The following POR variants were observed in gnomAD, a reference collection of about 807,000 sequenced individuals.
POR encodes the protein NADPH--cytochrome P450 reductase.
Under a neutral mutation model 84.0 loss-of-function variants are expected in POR, and 56 were observed. The ratio of observed to expected loss-of-function variants is 0.67; its 90% CI spans 0.54 to 0.83. The LOEUF (loss-of-function observed/expected upper bound fraction) is 0.83, where lower values mean the gene tolerates loss of function less well. Among genes scored for constraint, POR ranks in the 40% least tolerant of loss-of-function variants. POR has a pLI of 0.00. For synonymous variants in POR, 414 were observed against 400.5 expected (o/e 1.03, Z -0.40); for missense variants, 938 against 944.3 (o/e 0.99, Z 0.09).
chr7:75,926,459 T>G (rs1019723849), intron 1 of POR, among the ~76,000 whole-genome samples: 1 of 152,114 alleles, frequency 6.6e-6, no homozygotes, highest in Admixed American at 6.6e-5. Flanking sequence ...AAGCATTGAC[T>G]CTGGTCTGGG....
intron 1 of POR, among the ~76,000 whole-genome samples, chr7:75,934,921 C>T (rs1164965764): frequency 3.3e-5 from 5 of 152,170 alleles, no homozygotes; most frequent in Admixed American, 3.3e-4. Context: ...GGGGCAGACC[C>T]CTTACCGAGA....
At chr7:75,982,443 A>T in intron 8 of POR, 121 bp downstream of exon 8, 1 of 774,260 alleles carries the variant, frequency 1.3e-6, no homozygotes, top group Non-Finnish European at 2.1e-6. Flanking sequence ...CCGTGCCCCG[A>T]GTGGGTGTGA....
At chr7:75,972,565 G>A (rs1554556360) in intron 3 of POR, 104 bp downstream of exon 3, 4 of 1,154,616 alleles carry the variant, frequency 3.5e-6, no homozygotes, top group East Asian at 2.6e-5. Context: ...AGGATGTCCC[G>A]GTGGCCAGGA....
intron 8 of POR, among the ~76,000 whole-genome samples, chr7:75,982,893 G>A (rs1183308278): frequency 1.3e-5 from 2 of 152,162 alleles, no homozygotes; most frequent in Non-Finnish European, 2.9e-5. Context: ...GTGGGGGTGG[G>A]GGAGCTGTGC....
At chr7:75,934,393 T>C (rs1287103477) in intron 1 of POR, among the ~76,000 whole-genome samples, 1 of 152,022 alleles carries the variant, frequency 6.6e-6, no homozygotes, top group African/African-American at 2.4e-5. Flanking sequence ...AGCAAAGAAA[T>C]GACTTAAAGT....
chr7:75,981,279 A>T, intron 6 of POR, 107 bp downstream of exon 6: 3 of 1,421,558 alleles, frequency 2.1e-6, no homozygotes, highest in Non-Finnish European at 2.8e-6. Flanking sequence ...AGCGACACGC[A>T]CCTCCAACAC....
chr7:75,923,749 G>A (rs556310689), intron 1 of POR, among the ~76,000 whole-genome samples: 15 of 152,126 alleles, frequency 9.9e-5, no homozygotes, highest in Admixed American at 3.9e-4. Flanking sequence ...TTAGCTGAGC[G>A]TGGTGGCACA....
At chr7:75,962,566 G>T (rs1787985406) in intron 2 of POR, among the ~76,000 whole-genome samples, 1 of 152,154 alleles carries the variant, frequency 6.6e-6, no homozygotes, top group South Asian at 2.1e-4. Context: ...GCCTCCCAAA[G>T]TGCTAGGATT....
intron 1 of POR, among the ~76,000 whole-genome samples, chr7:75,941,854 A>G (rs112183497): frequency 1.8e-4 from 27 of 151,900 alleles, no homozygotes; most frequent in African/African-American, 6.1e-4. Flanking sequence ...TCGAGTAATA[A>G]CTAATAACAG....
intron 1 of POR, among the ~76,000 whole-genome samples, chr7:75,939,983 C>G (rs1252026110): frequency 1.3e-5 from 2 of 152,132 alleles, no homozygotes; most frequent in Non-Finnish European, 2.9e-5. Flanking sequence ...TCACTGCAGC[C>G]TCAACCTGCA....
chr7:75,957,874 T>C (rs113693015), intron 2 of POR, among the ~76,000 whole-genome samples: 5 of 152,312 alleles, frequency 3.3e-5, no homozygotes, highest in African/African-American at 1.2e-4. Flanking sequence ...CAAATATTTC[T>C]AGTACCATGG....
At chr7:75,968,778 C>T (rs1788302188) in intron 2 of POR, among the ~76,000 whole-genome samples, 1 of 152,234 alleles carries the variant, frequency 6.6e-6, no homozygotes, top group Non-Finnish European at 1.5e-5. Context: ...GGCTGGCACA[C>T]CTTGTCCACT....
intron 2 of POR, among the ~76,000 whole-genome samples, chr7:75,963,130 C>T (rs369001207): frequency 3.9e-5 from 6 of 152,322 alleles, no homozygotes; most frequent in African/African-American, 1.4e-4. Flanking sequence ...TGAGTGCCAA[C>T]AGATGGGAAG....
At chr7:75,920,999 C>G (rs1199374584) in intron 1 of POR, among the ~76,000 whole-genome samples, 1 of 152,160 alleles carries the variant, frequency 6.6e-6, no homozygotes, top group Non-Finnish European at 1.5e-5. Flanking sequence ...TTTGACTGCT[C>G]ATGAAACCAC....
At chr7:75,961,819 G>T (rs997821673) in intron 2 of POR, among the ~76,000 whole-genome samples, 14 of 152,166 alleles carry the variant, frequency 9.2e-5, no homozygotes, top group Admixed American at 3.3e-4. Context: ...TTCGAGATCA[G>T]CCTGGGTAGC....
intron 1 of POR, among the ~76,000 whole-genome samples, chr7:75,936,461 T>TG (rs1415934109): frequency 6.6e-6 from 1 of 152,130 alleles, no homozygotes; most frequent in African/African-American, 2.4e-5. Flanking sequence ...TTCTGAGTGT[T>TG]GCAGTTTGTC....
At chr7:75,965,086 T>C (rs1788119721) in intron 2 of POR, among the ~76,000 whole-genome samples, 1 of 152,058 alleles carries the variant, frequency 6.6e-6, no homozygotes. Flanking sequence ...TGGGGAAGCC[T>C]GTGTAGGATG....
In POR at chr7:75,986,553, C is replaced by A. The variant is rs568310575; in HGVS notation, c.*72C>A. 2.1e-5 allele frequency: 33 copies of A among 1,539,168 alleles called. 2 individuals are homozygous for A. The South Asian group carries it at 3.6e-4, about 17-fold the overall frequency. On this transcript the variant is annotated 3_prime_UTR_variant, in exon 16 of 16. Coordinates refer to ENST00000461988, the MANE Select transcript of POR (RefSeq NM_000941.3). ...CTCTCCTGGCTCCCTCCCGTAGTCT[C>A]CTGGGTGTGTTTGGCTTGGCCTTGG...
Position 75,984,974 on chromosome 7 carries a change from C to T in POR, c.1248+16C>T, listed in dbSNP as rs782717170. The T allele has an allele frequency of 7.6e-6, 12 of 1,577,234 alleles. No homozygotes were observed. The highest frequency in any genetic ancestry group is 1.0e-5 in the Non-Finnish European group (12 of 1,160,432). ...CGAGGGCAAGGTGCGCCCCCTCAGC[C>T]CCCGCAACCTCCGCCCCGTCACCCC... On this transcript the variant is annotated intron_variant, in intron 11 of 15. Transcript: ENST00000461988.
Sources: gnomAD v4.1 joint callset for allele counts (sites outside exome capture counted in the v4.1 genomes callset) on GRCh38, gnomAD v4.1.1 for gene constraint, MANE v1.5 for transcripts, NCBI Gene and HGNC (gene_info 2026-07-23, HGNC 2026-07-21) for gene names.